VAC14: variants seen among roughly 807,000 people sequenced by gnomAD.
VAC14 encodes the protein VAC14 component of PIKFYVE complex, also known as protein VAC14 homolog.
Under a neutral mutation model 85.3 loss-of-function variants are expected in VAC14, and 47 were observed. The ratio of observed to expected loss-of-function variants is 0.55; its 90% CI spans 0.44 to 0.70. VAC14 has a LOEUF of 0.70. Among genes scored for constraint, VAC14 ranks in the 30% least tolerant of loss-of-function variants. The pLI is 0.00. For missense variants in VAC14, 861 were observed against 1,004.3 expected (o/e 0.86, Z 1.93); for synonymous variants, 447 against 430.5 (o/e 1.04, Z -0.47).
At chr16:70,789,742 C>A (rs979319288) in intron 1 of VAC14, among the ~76,000 whole-genome samples, 3 of 152,188 alleles carry the variant, frequency 2.0e-5, no homozygotes, top group Non-Finnish European at 2.9e-5. Context: ...AGATCTAGAA[C>A]CTGGTCTCCT....
intron 15 of VAC14, among the ~76,000 whole-genome samples, chr16:70,697,647 C>T (rs2053740836): frequency 6.6e-6 from 1 of 152,182 alleles, no homozygotes; most frequent in South Asian, 2.1e-4. Flanking sequence ...AGGGAGGAAG[C>T]ACACTTAAAT....
intron 14 of VAC14, chr16:70,700,234 G>A (rs956696566): frequency 6.6e-6 from 1 of 152,096 alleles, no homozygotes; most frequent in Non-Finnish European, 1.5e-5. Flanking sequence ...GCAAACAGTA[G>A]GCAGGCCGTT....
chr16:70,784,645 A>T (rs1468527938), intron 4 of VAC14, 131 bp downstream of exon 4: 1 of 890,468 alleles, frequency 1.1e-6, no homozygotes, highest in African/African-American at 1.7e-5. Flanking sequence ...ACTGCACACC[A>T]GGGAGTACAT....
chr16:70,783,675 C>A, intron 5 of VAC14, 121 bp from the exon 6 acceptor site: 1 of 939,044 alleles, frequency 1.1e-6, no homozygotes, highest in South Asian at 1.5e-5. Flanking sequence ...CCCTGCAGTG[C>A]AGGTGTCCCA....
rs964526649 is a variant in VAC14, at chr16:70,783,126, G to C, written c.718C>G (p.Leu240Val). The C allele has an allele frequency of 4.3e-6, 7 of 1,613,830 alleles. No homozygotes were observed. Among genetic ancestry groups the C allele is most frequent in the African/African-American group, 2.7e-5 (2 of 74,928 alleles). ...KEIRKMCEVV[L>V]GEFLKEIKKN... Reference sequence around the variant, plus strand: ...TTAATTTCTTTTAAGAATTCTCCAAGAACAACCTCACACCTATGAACAAGA... The same window carrying C: ...TTAATTTCTTTTAAGAATTCTCCAACAACAACCTCACACCTATGAACAAGA... The change falls in exon 7 of 19, where the codon CTT becomes GTT. Residue 240 changes from leucine to valine, a missense_variant. Physicochemically the swap from Leu to Val is conservative, Grantham distance 32 (BLOSUM62 1). Around this residue, in one of 3 missense-constraint regions of VAC14, gnomAD observed 629 missense variants for 703.1 expected, o/e 0.89. Transcript: ENST00000261776.
chr16:70,691,348 C>T, intron 18 of VAC14: 1 of 985,454 alleles, frequency 1.0e-6, no homozygotes, highest in Non-Finnish European at 1.2e-6. Flanking sequence ...TGCCTCCTCC[C>T]TGCTTCCGGC....
intron 10 of VAC14, among the ~76,000 whole-genome samples, chr16:70,765,813 A>G (rs1049359407): frequency 4.6e-5 from 7 of 152,062 alleles, no homozygotes; most frequent in Admixed American, 1.3e-4. Context: ...CCGTGGAAGG[A>G]GGTTAGCACA....
intron 1 of VAC14, among the ~76,000 whole-genome samples, chr16:70,795,522 C>T (rs1036067637): frequency 6.8e-6 from 1 of 146,728 alleles, no homozygotes; most frequent in African/African-American, 2.5e-5. Flanking sequence ...AAAAAGAATG[C>T]ATCCCTCTGA....
At chr16:70,799,878 G>C (rs1296639060) in intron 1 of VAC14, among the ~76,000 whole-genome samples, 2 of 152,216 alleles carry the variant, frequency 1.3e-5, no homozygotes, top group African/African-American at 2.4e-5. Flanking sequence ...TTGAACACTT[G>C]AAATACGGGT....
intron 12 of VAC14, chr16:70,747,237 G>C (rs1187420692): frequency 1.3e-5 from 2 of 152,152 alleles, no homozygotes; most frequent in African/African-American, 2.4e-5. Flanking sequence ...CATCCTGTAT[G>C]ATGACTCCAT....
chr16:70,761,026 G>T (rs879291962), intron 12 of VAC14: 8,209 of 237,360 alleles, frequency 0.035, 311 homozygotes, highest in Non-Finnish European at 0.043. Context: ...TGTGCATGGG[G>T]GGGCGGGGGG....
At chr16:70,796,183 C>G (rs1252335460) in intron 1 of VAC14, among the ~76,000 whole-genome samples, 1 of 152,210 alleles carries the variant, frequency 6.6e-6, no homozygotes, top group African/African-American at 2.4e-5. Flanking sequence ...CTTTGTACAA[C>G]TGGATCCCAA....
At chr16:70,744,358 T>C (rs2030657794) in intron 13 of VAC14, 65 bp downstream of exon 13, 2 of 1,601,286 alleles carry the variant, frequency 1.2e-6, no homozygotes, top group South Asian at 2.2e-5. Flanking sequence ...ACCGCCATGG[T>C]CCAGCCTAAG....
chr16:70,794,529 G>C (rs996805818), intron 1 of VAC14, among the ~76,000 whole-genome samples: 3 of 152,202 alleles, frequency 2.0e-5, no homozygotes, highest in African/African-American at 4.8e-5. Flanking sequence ...AGATATGGGG[G>C]AAGCCAGGAG....
chr16:70,750,207 C>T (rs1234189285), intron 12 of VAC14, among the ~76,000 whole-genome samples: 3 of 152,368 alleles, frequency 2.0e-5, no homozygotes, highest in Non-Finnish European at 2.9e-5. Context: ...AGTCCTCCTT[C>T]CAGTGAGCAG....
At chr16:70,773,770 T>C (rs1234491913) in intron 9 of VAC14, among the ~76,000 whole-genome samples, 1 of 151,838 alleles carries the variant, frequency 6.6e-6, no homozygotes, top group East Asian at 1.9e-4. Context: ...ATTATTATTA[T>C]TATTTTTTTT....
At chr16:70,749,350 A>T (rs968883381) in intron 12 of VAC14, among the ~76,000 whole-genome samples, 2 of 152,220 alleles carry the variant, frequency 1.3e-5, no homozygotes, top group Non-Finnish European at 2.9e-5. Flanking sequence ...TTACATTTTC[A>T]ATTCTCTTAT....
intron 14 of VAC14, among the ~76,000 whole-genome samples, chr16:70,703,309 G>A (rs1221613851): frequency 6.6e-6 from 1 of 152,234 alleles, no homozygotes; most frequent in Non-Finnish European, 1.5e-5. Flanking sequence ...AATGTGCTTG[G>A]AAACAAGGCA....
rs141341609 is a variant in VAC14, at chr16:70,742,621, C to T, written c.1528+1802G>A. Among the ~76,000 whole-genome samples the T allele has an allele frequency of 3.7e-3, 559 of 152,350 alleles. 2 individuals carry two copies. The highest frequency in any genetic ancestry group is 0.014 in the South Asian group (70 of 4,834). On this transcript the variant is annotated intron_variant, in intron 13 of 18. Coordinates refer to ENST00000261776, the MANE Select transcript of VAC14 (RefSeq NM_018052.5). Reference sequence around the variant, plus strand: ...GCTCCTGGGCAAGGCCCCACATGGGCCTTCTATGACTTCACCTGGCATGTC... The same window carrying T: ...GCTCCTGGGCAAGGCCCCACATGGGTCTTCTATGACTTCACCTGGCATGTC...
Sources: gnomAD v4.1 joint callset for allele counts (sites outside exome capture counted in the v4.1 genomes callset) on GRCh38, gnomAD v4.1.1 for gene constraint, gnomAD v4.1.1 regional missense constraint, MANE v1.5 for transcripts, NCBI Gene and HGNC (gene_info 2026-07-23, HGNC 2026-07-21) for gene names.